KRABD5: variants seen among roughly 807,000 people sequenced by gnomAD.
KRABD5 encodes KRAB domain-containing protein 5.
the KRABD5 span, chr16:31,754,515 AT>A: frequency 1.6e-6 from 1 of 609,576 alleles, no homozygotes; most frequent in African/African-American, 1.8e-5. Context: ...CCCAGAAGAC[AT>A]CAGAAAACTC....
At chr16:31,722,158 T>A in the KRABD5 span, among the ~76,000 whole-genome samples, 1 of 152,182 alleles carries the variant, frequency 6.6e-6, no homozygotes, top group African/African-American at 2.4e-5. Flanking sequence ...CACTGCAACC[T>A]CCACTTCCTG....
chr16:31,736,026 T>G, the KRABD5 span, among the ~76,000 whole-genome samples: 1 of 152,218 alleles, frequency 6.6e-6, no homozygotes, highest in Non-Finnish European at 1.5e-5. Context: ...AGTTTCATAG[T>G]TTAGGGCATT....
chr16:31,755,703 C>A, the KRABD5 span: 1 of 407,430 alleles, frequency 2.5e-6, no homozygotes, highest in Non-Finnish European at 4.8e-6. Context: ...AGTATTCATA[C>A]TAGAGAATTT....
At chr16:31,724,459 A>T in the KRABD5 span, among the ~76,000 whole-genome samples, 3 of 152,054 alleles carry the variant, frequency 2.0e-5, no homozygotes, top group East Asian at 5.8e-4. Context: ...AGGCCGATGC[A>T]GGCGGATCAT....
chr16:31,747,808 A>G, the KRABD5 span, among the ~76,000 whole-genome samples: 1 of 152,120 alleles, frequency 6.6e-6, no homozygotes, highest in Non-Finnish European at 1.5e-5. Context: ...GTGTCTGTTC[A>G]TGTCCTTTGC....
the KRABD5 span, chr16:31,760,974 A>T: frequency 6.6e-6 from 1 of 152,308 alleles, no homozygotes; most frequent in African/African-American, 2.4e-5. Flanking sequence ...AGAATGTCTA[A>T]GGAATCCTAC....
chr16:31,745,752 T>C, the KRABD5 span, among the ~76,000 whole-genome samples: 3 of 152,122 alleles, frequency 2.0e-5, no homozygotes, highest in Non-Finnish European at 2.9e-5. Context: ...TGTATGGGAG[T>C]CTACGTCTCT....
chr16:31,744,061 A>T, the KRABD5 span, among the ~76,000 whole-genome samples: 3 of 152,136 alleles, frequency 2.0e-5, no homozygotes, highest in Non-Finnish European at 4.4e-5. Flanking sequence ...AAATTATGTC[A>T]TCTGCAAACA....
At chr16:31,752,693 C>T in the KRABD5 span, among the ~76,000 whole-genome samples, 1 of 151,986 alleles carries the variant, frequency 6.6e-6, no homozygotes, top group African/African-American at 2.4e-5. Flanking sequence ...TAGCAAGACC[C>T]TGGTTGTACA....
the KRABD5 span, chr16:31,713,432 A>T: frequency 1.2e-6 from 2 of 1,605,668 alleles, no homozygotes; most frequent in East Asian, 4.5e-5. Context: ...GAAGCTGGGA[A>T]ATGGTGAATG....
chr16:31,713,626 A>C, the KRABD5 span: 6 of 743,680 alleles, frequency 8.1e-6, no homozygotes, highest in East Asian at 3.1e-5. Context: ...TCCCCTCCCG[A>C]CCCCGCAGAG....
chr16:31,714,109 CTG>C, the KRABD5 span, among the ~76,000 whole-genome samples: 2 of 152,142 alleles, frequency 1.3e-5, no homozygotes, highest in Admixed American at 6.5e-5. Context: ...CAGTGGATAT[CTG>C]TGTTCCATAT....
the KRABD5 span, among the ~76,000 whole-genome samples, chr16:31,729,009 C>A: frequency 6.6e-6 from 1 of 152,072 alleles, no homozygotes; most frequent in African/African-American, 2.4e-5. Context: ...ACAAATTAAC[C>A]TCTCTATTAT....
chr16:31,726,501 C>T, the KRABD5 span, among the ~76,000 whole-genome samples: 2 of 152,212 alleles, frequency 1.3e-5, no homozygotes, highest in East Asian at 1.9e-4. Flanking sequence ...TGGCTCACAC[C>T]TGTAATCCCA....
At chr16:31,737,144 G>T in the KRABD5 span, among the ~76,000 whole-genome samples, 3 of 152,172 alleles carry the variant, frequency 2.0e-5, no homozygotes, top group Non-Finnish European at 4.4e-5. Context: ...TCTGTAACAT[G>T]ATAAGGATAC....
the KRABD5 span, chr16:31,713,535 C>T: frequency 1.4e-6 from 2 of 1,466,888 alleles, no homozygotes; most frequent in Non-Finnish European, 1.8e-6. Context: ...GGCCCTGAGT[C>T]CCCGCGGACG....
At chr16:31,759,101 T>C in the KRABD5 span, 1 of 349,230 alleles carries the variant, frequency 2.9e-6, no homozygotes, top group East Asian at 5.3e-5. Context: ...GTAATGTAAA[T>C]GCTAAAAAAG....
At chr16:31,714,393 A>G in the KRABD5 span, 1 of 456,306 alleles carries the variant, frequency 2.2e-6, no homozygotes, top group Non-Finnish European at 4.4e-6. Flanking sequence ...CTGGCTGGGC[A>G]CCTGCTCCTG....
the KRABD5 span, among the ~76,000 whole-genome samples, chr16:31,747,805 T>C: frequency 6.6e-6 from 1 of 152,236 alleles, no homozygotes; most frequent in Non-Finnish European, 1.5e-5. Flanking sequence ...GAAGTGTCTG[T>C]TCATGTCCTT....
Sources: allele counts gnomAD v4.1 joint callset (sites outside exome capture counted in the v4.1 genomes callset), GRCh38; gene constraint gnomAD v4.1.1; transcripts MANE v1.5; gene names NCBI Gene and HGNC (gene_info 2026-07-23, HGNC 2026-07-21).